PCDHA9: variants seen among roughly 807,000 people sequenced by gnomAD.
The protein encoded by PCDHA9 is protocadherin alpha-9.
In PCDHA9, 62 loss-of-function variants were observed where a neutral mutation model predicts 62.0. The ratio of observed to expected loss-of-function variants is 1.00; its 90% confidence interval spans 0.81 to 1.23. The LOEUF is 1.23. Ranked by LOEUF, PCDHA9 falls within the 50% of genes most tolerant of loss-of-function variation. The pLI, the probability that PCDHA9 is intolerant of heterozygous loss-of-function variation, is 0.00. For synonymous variants in PCDHA9, 557 were observed against 567.6 expected (o/e 0.98, Z 0.27); for missense variants, 1,205 against 1,249.8 (o/e 0.96, Z 0.54).
Position 140,849,905 on chromosome 5 carries a change from G to A in PCDHA9, c.1410G>A (p.Pro470=), listed in dbSNP as rs2150456926. Residue 470 remains proline (P), a synonymous_variant, in exon 1 of 4, where the codon CCG becomes CCA. Coordinates refer to ENST00000532602, the MANE Select transcript of PCDHA9 (RefSeq NM_031857.2). The stretch of plus-strand genomic sequence containing the variant: ...TGTTCGTGAAGGAGAACAACCCGCC[G>A]GGCTGCCACATCTTCACGGTGTCTG... ...YTVFVKENNP[P]GCHIFTVSAR... The A allele has an allele frequency of 3.4e-5, 55 of 1,598,312 alleles. 1 individual carries two copies. The highest frequency in any genetic ancestry group is 3.5e-4 in the Middle Eastern group (2 of 5,794).
intron 3 of PCDHA9, among the ~76,000 whole-genome samples, chr5:141,008,156 G>A (rs1231186640): frequency 6.6e-6 from 1 of 152,150 alleles, no homozygotes; most frequent in Non-Finnish European, 1.5e-5. Context: ...GGTTTGATAA[G>A]ATGAGGACTA....
intron 1 of PCDHA9, chr5:140,862,228 T>C (rs1247109904): frequency 9.6e-6 from 2 of 209,024 alleles, no homozygotes; most frequent in Non-Finnish European, 1.9e-5. Flanking sequence ...ATAGAAGTCT[T>C]GGACATCAAT....
Position 140,883,949 on chromosome 5 carries a change from A to C in PCDHA9, c.2394+33060A>C, listed in dbSNP as rs566235340. On this transcript the variant is annotated intron_variant, in intron 1 of 3. Transcript: ENST00000532602. ...GGTGTTCGTGCTGGACGAGAACGAC[A>C]ACGCTCCGGCGCTGCTGACGCCCGG... 178 of 1,613,356 alleles carry C rather than the reference A, an allele frequency of 1.1e-4. 5 individuals carry two copies. The South Asian group carries it at 1.9e-3, about 18-fold the overall frequency.
chr5:140,928,834 T>G, intron 1 of PCDHA9: 3 of 1,614,178 alleles, frequency 1.9e-6, no homozygotes, highest in Non-Finnish European at 2.5e-6. Flanking sequence ...ACCACTTTCC[T>G]CCTCTGTCAC....
chr5:140,857,818 G>T, intron 1 of PCDHA9: 1 of 1,597,774 alleles, frequency 6.3e-7, no homozygotes, highest in Non-Finnish European at 8.6e-7. Flanking sequence ...GTCACGTGGT[G>T]GCTAAGGTGC....
chr5:141,000,367 C>G (rs1158701279), intron 3 of PCDHA9, among the ~76,000 whole-genome samples: 1 of 18,506 alleles, frequency 5.4e-5, no homozygotes, highest in Admixed American at 6.5e-4. Flanking sequence ...CTCTGTCTCT[C>G]TCTCTCTCTC....
chr5:140,849,910 G>A lies in PCDHA9; in HGVS notation c.1415G>A (p.Cys472Tyr). 6.3e-7 allele frequency: 1 copy of A among 1,598,272 alleles called. No individual in the cohort carries two copies. The change falls in exon 1 of 4, where the codon TGC (cysteine) becomes TAC (tyrosine). Residue 472 changes from cysteine (C) to tyrosine (Y), a missense_variant. By Grantham distance (194) the Cys-to-Tyr change is radical. This residue lies in a region of PCDHA9 where 887 missense variants were observed against 809.5 expected (regional missense o/e 1.10). Coordinates refer to ENST00000532602, the MANE Select transcript of PCDHA9 (RefSeq NM_031857.2). ...VFVKENNPPG[C>Y]HIFTVSARDA... Reference sequence around the variant, plus strand: ...GTGAAGGAGAACAACCCGCCGGGCTGCCACATCTTCACGGTGTCTGCGCGG... The same window carrying A: ...GTGAAGGAGAACAACCCGCCGGGCTACCACATCTTCACGGTGTCTGCGCGG...
chr5:140,925,395 GCCT>G (rs2082476248), intron 1 of PCDHA9, among the ~76,000 whole-genome samples: 1 of 151,998 alleles, frequency 6.6e-6, no homozygotes, highest in Non-Finnish European at 1.5e-5. Flanking sequence ...CTTTTGGCTC[GCCT>G]CCTTCTTAGG....
At chr5:140,960,186 G>A (rs2153724328) in intron 1 of PCDHA9, among the ~76,000 whole-genome samples, 1 of 152,260 alleles carries the variant, frequency 6.6e-6, no homozygotes, top group East Asian at 1.9e-4. Flanking sequence ...GGGGTTGCAT[G>A]TGTAGTGGTC....
At chr5:140,895,922 T>G (rs1301725770) in intron 1 of PCDHA9, among the ~76,000 whole-genome samples, 1 of 152,190 alleles carries the variant, frequency 6.6e-6, no homozygotes, top group African/African-American at 2.4e-5. Context: ...ACAATTATCC[T>G]GCCTCAGCCT....
intron 1 of PCDHA9, chr5:140,927,491 T>G (rs2084266726): frequency 1.2e-6 from 2 of 1,614,118 alleles, no homozygotes; most frequent in Non-Finnish European, 1.7e-6. Flanking sequence ...GCCACCCACC[T>G]GCTGGTGCTT....
chr5:140,876,568 G>A (rs1302204057), intron 1 of PCDHA9: 1 of 1,614,046 alleles, frequency 6.2e-7, no homozygotes, highest in African/African-American at 1.3e-5. Context: ...TGCTCAGGTG[G>A]GTACCGTCAT....
At chr5:140,869,926 G>T in intron 1 of PCDHA9, 1 of 1,611,516 alleles carries the variant, frequency 6.2e-7, no homozygotes, top group Non-Finnish European at 8.5e-7. Flanking sequence ...AGGAGTCAAT[G>T]GAGAGGTAAC....
intron 3 of PCDHA9, among the ~76,000 whole-genome samples, chr5:141,000,542 C>T (rs1331109215): frequency 6.7e-6 from 1 of 148,268 alleles, no homozygotes; most frequent in Non-Finnish European, 1.5e-5. Context: ...ATTCTCATGC[C>T]TCAAACTCCC....
intron 2 of PCDHA9, among the ~76,000 whole-genome samples, chr5:140,981,521 C>T (rs894639773): frequency 1.3e-5 from 2 of 152,208 alleles, no homozygotes; most frequent in South Asian, 4.1e-4. Flanking sequence ...TTGCAGTGAG[C>T]TGAGATCGTG....
At chr5:140,883,522 A>G in intron 1 of PCDHA9, 1 of 1,614,220 alleles carries the variant, frequency 6.2e-7, no homozygotes, top group Middle Eastern at 1.7e-4. Flanking sequence ...GCGAGAGCGT[A>G]TCAGCCTATG....
chr5:141,003,469 A>G (rs536017033), intron 3 of PCDHA9, among the ~76,000 whole-genome samples: 53 of 152,106 alleles, frequency 3.5e-4, no homozygotes, highest in Admixed American at 2.3e-3. Flanking sequence ...GCACCACCAC[A>G]GTCTCGCTAA....
At position 140,924,046 on chromosome 5, in the gene PCDHA9, C is replaced by T. The variant is rs59270862; in HGVS notation, c.2395-54903C>T. Among the ~76,000 whole-genome samples, 1,259 of 152,276 alleles carry T rather than the reference C, an allele frequency of 8.3e-3. 10 individuals are homozygous for T. The highest frequency in any genetic ancestry group is 0.029 in the African/African-American group (1,206 of 41,556). ...AGGCATGGCTGCAGACCTAAAAGTT[C>T]GGTACATCTTTACAGTTGTATTTCA... is the stretch of plus-strand genomic sequence containing the variant. On this transcript the variant is annotated intron_variant, in intron 1 of 3. Coordinates refer to ENST00000532602, the MANE Select transcript of PCDHA9 (RefSeq NM_031857.2).
chr5:140,890,772 C>T (rs2062796545), intron 1 of PCDHA9, among the ~76,000 whole-genome samples: 1 of 152,118 alleles, frequency 6.6e-6, no homozygotes, highest in South Asian at 2.1e-4. Context: ...TATTTTAAAA[C>T]CCCATAAGAT....
Sources: allele counts gnomAD v4.1 joint callset (sites outside exome capture counted in the v4.1 genomes callset), GRCh38; gene constraint gnomAD v4.1.1; regional missense constraint gnomAD v4.1.1; transcripts MANE v1.5; gene names NCBI Gene and HGNC (gene_info 2026-07-23, HGNC 2026-07-21).